The following ASCC1 variants were observed in gnomAD, a reference collection of about 807,000 sequenced individuals.
ASCC1 encodes the protein ASC-1 complex subunit P50.
ASCC1 carries 35 observed loss-of-function variants against 46.6 expected under a neutral mutation model. The observed-to-expected ratio is 0.75, with a 90% CI of 0.57 to 0.99. The LOEUF (loss-of-function observed/expected upper bound fraction) is 0.99. Ranked by LOEUF, ASCC1 falls within the 50% of genes least tolerant of loss-of-function variation. The probability of loss-of-function intolerance (pLI) is 0.00; values close to 1 mark genes in which losing one functional copy is unlikely to be tolerated. For synonymous variants in ASCC1, 143 were observed against 146.6 expected (o/e 0.98, Z 0.18); for missense variants, 376 against 428.7 (o/e 0.88, Z 1.09).
At chr10:72,135,777 G>A (rs955182106) in intron 7 of ASCC1, among the ~76,000 whole-genome samples, 3 of 152,226 alleles carry the variant, frequency 2.0e-5, no homozygotes, top group East Asian at 1.9e-4. Flanking sequence ...ACTGTAAGTG[G>A]TGAGAAGTGA....
chr10:72,205,401 G>C (rs111709084), intron 3 of ASCC1, among the ~76,000 whole-genome samples: 6 of 151,882 alleles, frequency 4.0e-5, no homozygotes, highest in Admixed American at 1.3e-4. Context: ...AGGCCGAGGT[G>C]GGGGGGATCA....
chr10:72,191,465 T>A (rs1248781551), intron 5 of ASCC1, among the ~76,000 whole-genome samples: 1 of 151,708 alleles, frequency 6.6e-6, no homozygotes, highest in East Asian at 1.9e-4. Flanking sequence ...GTATAATAGG[T>A]TTAAAATAAA....
chr10:72,097,457 A>G lies in ASCC1; in HGVS notation c.958-7T>C. 6.5e-7 allele frequency: 1 copy of G among 1,538,416 alleles called. No individual in the cohort carries two copies. Among genetic ancestry groups the G allele is most frequent in the Non-Finnish European group, 9.0e-7 (1 of 1,111,580 alleles). On this transcript the variant is annotated splice_polypyrimidine_tract_variant and splice_region_variant and intron_variant, in intron 9 of 9. Coordinates refer to ENST00000672957, the MANE Select transcript of ASCC1 (RefSeq NM_001198800.3). ...AGTAGAAGTTCTCAAACAACTGAAA[A>G]GGAAGAATAAAAACCCAGAATGAAT... is the stretch of plus-strand genomic sequence containing the variant.
At chr10:72,128,384 A>G (rs903521923) in intron 8 of ASCC1, among the ~76,000 whole-genome samples, 2 of 152,192 alleles carry the variant, frequency 1.3e-5, no homozygotes, top group African/African-American at 2.4e-5. Context: ...TCATTCATCT[A>G]TTCATTCGAC....
At chr10:72,197,681 A>C (rs1486013081) in intron 4 of ASCC1, among the ~76,000 whole-genome samples, 1 of 151,864 alleles carries the variant, frequency 6.6e-6, no homozygotes, top group East Asian at 2.0e-4. Context: ...TGAGGTGGGC[A>C]GATCACTTGA....
chr10:72,176,325 T>TA (rs1251193780), intron 5 of ASCC1, among the ~76,000 whole-genome samples: 1 of 152,102 alleles, frequency 6.6e-6, no homozygotes, highest in African/African-American at 2.4e-5. Flanking sequence ...AGTCCTTGCT[T>TA]AAAATCTTAA....
chr10:72,107,781 TAAC>T, intron 9 of ASCC1, among the ~76,000 whole-genome samples: 1 of 152,352 alleles, frequency 6.6e-6, no homozygotes, highest in South Asian at 2.1e-4. Context: ...GTTGGAATCT[TAAC>T]ATATTGTAAG....
chr10:72,135,980 T>C (rs1477537707), intron 7 of ASCC1, among the ~76,000 whole-genome samples: 1 of 152,172 alleles, frequency 6.6e-6, no homozygotes, highest in East Asian at 1.9e-4. Context: ...TCTTACTTGG[T>C]AAGCCATAGG....
chr10:72,209,760 G>C (rs1857779420), intron 3 of ASCC1, among the ~76,000 whole-genome samples: 1 of 152,118 alleles, frequency 6.6e-6, no homozygotes, highest in Non-Finnish European at 1.5e-5. Context: ...CTCCTGCCTA[G>C]GCGAAAGAGC....
intron 3 of ASCC1, among the ~76,000 whole-genome samples, chr10:72,203,899 C>CTTGAGACCAGGAGT (rs1311912340): frequency 6.6e-6 from 1 of 152,142 alleles, no homozygotes; most frequent in Non-Finnish European, 1.5e-5. Flanking sequence ...GGGAGAACTG[C>CTTGAGACCAGGAGT]TTGAGACCAG....
At chr10:72,104,905 T>C (rs1199069304) in intron 9 of ASCC1, among the ~76,000 whole-genome samples, 3 of 152,108 alleles carry the variant, frequency 2.0e-5, no homozygotes, top group African/African-American at 7.2e-5. Context: ...ATGACTTGAG[T>C]TCAGAGGGAT....
intron 6 of ASCC1, among the ~76,000 whole-genome samples, chr10:72,160,639 T>G (rs1288411042): frequency 6.6e-6 from 1 of 150,992 alleles, no homozygotes; most frequent in Non-Finnish European, 1.5e-5. Context: ...AGCAGGAGAG[T>G]TGCTTGAGAC....
chr10:72,201,881 T>C (rs375369325), intron 4 of ASCC1, among the ~76,000 whole-genome samples: 1 of 151,866 alleles, frequency 6.6e-6, no homozygotes, highest in African/African-American at 2.4e-5. Flanking sequence ...GAGTCTACAC[T>C]GAGCTGTGAT....
intron 3 of ASCC1, among the ~76,000 whole-genome samples, chr10:72,209,467 C>T (rs758672587): frequency 5.3e-5 from 8 of 151,950 alleles, no homozygotes; most frequent in Non-Finnish European, 7.4e-5. Flanking sequence ...GGCAACAGTG[C>T]GACACCCTGT....
intron 5 of ASCC1, among the ~76,000 whole-genome samples, chr10:72,182,372 C>A (rs529484568): frequency 6.6e-6 from 1 of 152,196 alleles, no homozygotes; most frequent in East Asian, 1.9e-4. Context: ...CAGGATGGAG[C>A]AAAAATAGAA....
At chr10:72,099,682 T>C (rs1358514416) in intron 9 of ASCC1, among the ~76,000 whole-genome samples, 2 of 152,136 alleles carry the variant, frequency 1.3e-5, no homozygotes, top group African/African-American at 4.8e-5. Flanking sequence ...TAGCCAGGCG[T>C]GGCAGCGCAT....
intron 9 of ASCC1, among the ~76,000 whole-genome samples, chr10:72,112,932 A>C (rs1407712032): frequency 1.3e-5 from 2 of 151,298 alleles, no homozygotes; most frequent in Non-Finnish European, 2.9e-5. Flanking sequence ...AAAGTGACCC[A>C]CTCATTTCAT....
chr10:72,156,580 CTGAAAGACGG>C (rs2132619757), intron 6 of ASCC1, among the ~76,000 whole-genome samples: 1 of 152,024 alleles, frequency 6.6e-6, no homozygotes, highest in Admixed American at 6.6e-5. Flanking sequence ...GGCTAACATG[CTGAAAGACGG>C]TGAAACCCCA....
intron 5 of ASCC1, among the ~76,000 whole-genome samples, chr10:72,188,011 G>A (rs1284170648): frequency 4.0e-5 from 6 of 151,434 alleles, no homozygotes; most frequent in Non-Finnish European, 8.8e-5. Flanking sequence ...GCCATCTCTT[G>A]TATGTGCCCA....
Sources: gnomAD v4.1 joint callset for allele counts (sites outside exome capture counted in the v4.1 genomes callset) on GRCh38, gnomAD v4.1.1 for gene constraint, MANE v1.5 for transcripts, NCBI Gene and HGNC (gene_info 2026-07-23, HGNC 2026-07-21) for gene names.